Variants in BCAS1 observed in about 807,000 individuals in gnomAD.
The protein encoded by BCAS1 is breast carcinoma-amplified sequence 1.
BCAS1 carries 46 observed loss-of-function variants against 65.4 expected under a neutral mutation model. The ratio of observed to expected loss-of-function variants is 0.70; its 90% CI spans 0.55 to 0.90. The LOEUF (loss-of-function observed/expected upper bound fraction) is 0.90, where lower values mean the gene tolerates loss of function less well. Among genes scored for constraint, BCAS1 ranks in the 40% least tolerant of loss-of-function variants. The pLI is 0.00. For missense variants in BCAS1, 793 were observed against 771.2 expected, an observed-to-expected ratio of 1.03 and a Z score of -0.33; for synonymous variants, 298 against 293.5, an observed-to-expected ratio of 1.02 and a Z score of -0.16.
intron 3 of BCAS1, among the ~76,000 whole-genome samples, chr20:54,037,082 T>G (rs2091912110): frequency 1.3e-5 from 2 of 151,162 alleles, no homozygotes; most frequent in African/African-American, 4.8e-5. Flanking sequence ...AAGCTAAAAC[T>G]TTCACTTGCT....
At chr20:54,053,588 T>C (rs1157464300) in intron 3 of BCAS1, among the ~76,000 whole-genome samples, 1 of 152,266 alleles carries the variant, frequency 6.6e-6, no homozygotes, top group Non-Finnish European at 1.5e-5. Flanking sequence ...TGGCAGTCTT[T>C]ATGTCAATTG....
At chr20:53,978,599 A>G (rs1012606125) in intron 8 of BCAS1, among the ~76,000 whole-genome samples, 13 of 152,260 alleles carry the variant, frequency 8.5e-5, no homozygotes, top group Non-Finnish European at 1.6e-4. Context: ...TAAATGCACT[A>G]TGTAAAGGAT....
intron 1 of BCAS1, among the ~76,000 whole-genome samples, chr20:54,060,836 T>C (rs1421294068): frequency 6.6e-6 from 1 of 152,228 alleles, no homozygotes; most frequent in Non-Finnish European, 1.5e-5. Flanking sequence ...CCCAATTTTG[T>C]ATCTCCTAAT....
At chr20:54,002,698 T>G (rs144422763) in intron 4 of BCAS1, among the ~76,000 whole-genome samples, 2,742 of 152,324 alleles carry the variant, frequency 0.018, 31 homozygotes, top group Non-Finnish European at 0.024. Flanking sequence ...CTTTTTATAT[T>G]AATTAGTGAT....
chr20:53,975,690 C>T (rs2090314964), intron 8 of BCAS1, among the ~76,000 whole-genome samples: 1 of 151,718 alleles, frequency 6.6e-6, no homozygotes, highest in Admixed American at 6.6e-5. Flanking sequence ...ATGGAGCAAG[C>T]AGAAGCGTTG....
chr20:53,945,337 T>G (rs1255616842), intron 12 of BCAS1, among the ~76,000 whole-genome samples: 1 of 152,186 alleles, frequency 6.6e-6, no homozygotes, highest in Non-Finnish European at 1.5e-5. Context: ...TAGGGGGTAC[T>G]AATTCTACCT....
intron 12 of BCAS1, among the ~76,000 whole-genome samples, chr20:53,951,635 A>C (rs1013585856): frequency 1.3e-5 from 2 of 152,222 alleles, no homozygotes; most frequent in East Asian, 1.9e-4. Context: ...AAAACTACTC[A>C]ATCAGAATGT....
chr20:53,987,704 C>T (rs866001127), intron 7 of BCAS1, among the ~76,000 whole-genome samples: 2 of 152,024 alleles, frequency 1.3e-5, no homozygotes, highest in South Asian at 2.1e-4. Context: ...AGTGGGGAGG[C>T]GATTTGAGGC....
chr20:53,976,062 T>G (rs2090325625), intron 8 of BCAS1, among the ~76,000 whole-genome samples: 1 of 152,134 alleles, frequency 6.6e-6, no homozygotes, highest in Non-Finnish European at 1.5e-5. Flanking sequence ...GTCCTACATA[T>G]CCACATTCAA....
chr20:54,044,518 A>G (rs2092060609), intron 3 of BCAS1, among the ~76,000 whole-genome samples: 1 of 152,208 alleles, frequency 6.6e-6, no homozygotes, highest in South Asian at 2.1e-4. Flanking sequence ...AGAAATGCCA[A>G]TGTTTTATTT....
At chr20:54,069,449 T>G (rs1294572614) in intron 1 of BCAS1, among the ~76,000 whole-genome samples, 1 of 152,052 alleles carries the variant, frequency 6.6e-6, no homozygotes, top group East Asian at 1.9e-4. Context: ...CATGACTGAG[T>G]TTTTTGGCAT....
intron 1 of BCAS1, among the ~76,000 whole-genome samples, chr20:54,059,491 C>CT (rs11484469): frequency 0.36 from 53,108 of 148,742 alleles, 9,468 homozygotes; most frequent in South Asian, 0.43. Flanking sequence ...ACACTACGGC[C>CT]TTTTTTTTTT....
At chr20:54,002,029 C>A (rs1027241271) in intron 4 of BCAS1, among the ~76,000 whole-genome samples, 8 of 149,316 alleles carry the variant, frequency 5.4e-5, no homozygotes, top group Non-Finnish European at 1.0e-4. Flanking sequence ...AAATGCCTTT[C>A]TGGTGGTTGG....
At chr20:54,025,061 A>T (rs1218021136) in intron 4 of BCAS1, among the ~76,000 whole-genome samples, 2 of 152,226 alleles carry the variant, frequency 1.3e-5, no homozygotes, top group African/African-American at 4.8e-5. Flanking sequence ...GCACAAGGTT[A>T]GTGCGAAAGT....
intron 3 of BCAS1, among the ~76,000 whole-genome samples, chr20:54,045,554 G>C (rs1165251749): frequency 6.6e-6 from 1 of 152,166 alleles, no homozygotes; most frequent in Non-Finnish European, 1.5e-5. Context: ...ACATAAATGA[G>C]CTAAACCTTG....
chr20:53,949,217 CA>C (rs1280015795), intron 12 of BCAS1, among the ~76,000 whole-genome samples: 22 of 152,280 alleles, frequency 1.4e-4, no homozygotes, highest in Non-Finnish European at 2.4e-4. Context: ...CACACACACA[CA>C]CACACCCAGG....
Position 54,032,475 on chromosome 20 carries a change from C to T in BCAS1, c.143-3503G>A, listed in dbSNP as rs115712006. Among the ~76,000 whole-genome samples, 1,275 of 151,300 alleles carry T rather than the reference C, an allele frequency of 8.4e-3. 36 individuals are homozygous for T. Among genetic ancestry groups the T allele is most frequent in the African/African-American group, 0.026 (1,095 of 41,446 alleles). Reference sequence around the variant, plus strand: ...ACGGTATCAAATCGACACATAGCAACACTAACCTTAAATGTAAATGGACTA... The same window carrying T: ...ACGGTATCAAATCGACACATAGCAATACTAACCTTAAATGTAAATGGACTA... On this transcript the variant is annotated intron_variant, in intron 3 of 12. Transcript: ENST00000688948.
chr20:53,993,076 T>C (rs1232723232), intron 6 of BCAS1, among the ~76,000 whole-genome samples: 1 of 152,210 alleles, frequency 6.6e-6, no homozygotes, highest in Non-Finnish European at 1.5e-5. Context: ...TGCTGCTGAA[T>C]GTCTTTTAGT....
In BCAS1 at chr20:54,058,159, A is replaced by T; in HGVS notation, c.73-5T>A. 1 of 1,613,872 alleles carries T rather than the reference A, an allele frequency of 6.2e-7. No individual in the cohort carries two copies. Among genetic ancestry groups the T allele is most frequent in the Non-Finnish European group, 8.5e-7 (1 of 1,179,810 alleles). ...GTTCAGAGCAGACGCGTTGTCCTGA[A>T]ACAGAGCACGTGGCATTGTGAGACA... is the stretch of plus-strand genomic sequence containing the variant. On this transcript the variant is annotated splice_polypyrimidine_tract_variant and splice_region_variant and intron_variant, in intron 2 of 12. Transcript: ENST00000688948.
Sources: allele counts gnomAD v4.1 joint callset (sites outside exome capture counted in the v4.1 genomes callset), GRCh38; gene constraint gnomAD v4.1.1; transcripts MANE v1.5; gene names NCBI Gene and HGNC (gene_info 2026-07-23, HGNC 2026-07-21).